The following WIPI1 variants were observed in gnomAD, a reference collection of about 807,000 sequenced individuals.
WIPI1 encodes WD repeat domain phosphoinositide-interacting protein 1.
WIPI1 carries 45 observed loss-of-function variants against 55.3 expected under a neutral mutation model. The observed-to-expected ratio is 0.81, with a 90% CI of 0.64 to 1.04. The LOEUF (loss-of-function observed/expected upper bound fraction) is 1.04. WIPI1 is among the 50% of genes least tolerant of loss of function. The pLI is 0.00. For synonymous variants in WIPI1, 195 were observed against 217.6 expected, an observed-to-expected ratio of 0.90 and a Z score of 0.92; for missense variants, 445 against 559.0, an observed-to-expected ratio of 0.80 and a Z score of 2.06.
Position 68,435,681 on chromosome 17 carries a change from C to T in WIPI1, c.560G>A (p.Gly187Glu), listed in dbSNP as rs751757591. 1.9e-5 allele frequency: 31 copies of T among 1,614,044 alleles called. No individual in the cohort carries two copies. In the South Asian group the frequency reaches 3.4e-4, roughly 18 times the overall value. ...KTVCTIAAHE[G>E]TLAAITFNAS... Reference sequence around the variant, plus strand: ...ATTGAAGGTGATGGCAGCTAGTGTTCCCTCATGGGCAGCAATAGTGCAGAC... The same window carrying T: ...ATTGAAGGTGATGGCAGCTAGTGTTTCCTCATGGGCAGCAATAGTGCAGAC... Residue 187 changes from glycine (G) to glutamate (E), a missense_variant, in exon 6 of 13, where the codon GGA becomes GAA. Coordinates refer to ENST00000262139, the MANE Select transcript of WIPI1 (RefSeq NM_017983.7).
chr17:68,445,977 C>T (rs536592819), intron 3 of WIPI1, among the ~76,000 whole-genome samples: 2 of 152,278 alleles, frequency 1.3e-5, no homozygotes, highest in Admixed American at 6.5e-5. Flanking sequence ...CACTGAGGCT[C>T]AAGAACCACT....
At position 68,441,725 on chromosome 17, in the gene WIPI1, C is replaced by T. The variant is rs538853570; in HGVS notation, c.430+2768G>A. ...CCTTTGCCCACCCAGGCCACAACCT[C>T]AGGTAACGCTCTCCGTGGCAACTCT... On this transcript the variant is annotated intron_variant, in intron 4 of 12. Transcript: ENST00000262139. Among the ~76,000 whole-genome samples, 30 of 152,316 alleles carry T rather than the reference C, an allele frequency of 2.0e-4. No individual in the cohort carries two copies. The South Asian group carries it at 4.1e-3, about 21-fold the overall frequency.
chr17:68,449,815 T>A (rs2084428335), intron 3 of WIPI1, among the ~76,000 whole-genome samples: 1 of 152,174 alleles, frequency 6.6e-6, no homozygotes, highest in East Asian at 1.9e-4. Flanking sequence ...TAGAGTAATG[T>A]GAGAATAGAC....
intron 12 of WIPI1, 160 bp from the exon 13 acceptor site, chr17:68,421,980 C>A: frequency 2.6e-6 from 2 of 783,338 alleles, no homozygotes; most frequent in East Asian, 2.5e-5. Flanking sequence ...AATGGTCACC[C>A]AGCTTATTTA....
intron 2 of WIPI1, among the ~76,000 whole-genome samples, chr17:68,452,032 C>CT (rs569362574): frequency 6.6e-6 from 1 of 152,132 alleles, no homozygotes. Context: ...TACTGAACCA[C>CT]TTTTTTTCCA....
intron 3 of WIPI1, among the ~76,000 whole-genome samples, chr17:68,450,218 A>G (rs1451056258): frequency 6.6e-6 from 1 of 152,216 alleles, no homozygotes; most frequent in Admixed American, 6.5e-5. Flanking sequence ...ATGAGAACCC[A>G]AGGCTGAATA....
chr17:68,448,459 G>A (rs2084372273), intron 3 of WIPI1: 1 of 152,156 alleles, frequency 6.6e-6, no homozygotes, highest in South Asian at 2.1e-4. Context: ...ATGAATTGCT[G>A]ACAGTTCCTG....
chr17:68,445,846 C>T (rs1295203256), intron 3 of WIPI1, among the ~76,000 whole-genome samples: 2 of 152,224 alleles, frequency 1.3e-5, no homozygotes, highest in African/African-American at 4.8e-5. Flanking sequence ...CTTGGCTCCC[C>T]TCAGGCCAGT....
chr17:68,436,318 T>A, intron 5 of WIPI1, 64 bp downstream of exon 5: 1 of 1,488,020 alleles, frequency 6.7e-7, no homozygotes, highest in Non-Finnish European at 9.4e-7. Flanking sequence ...TCCTTATCTA[T>A]CTCCTTCCAT....
intron 2 of WIPI1, among the ~76,000 whole-genome samples, chr17:68,451,319 A>T (rs1456066454): frequency 6.6e-6 from 1 of 152,210 alleles, no homozygotes; most frequent in Non-Finnish European, 1.5e-5. Flanking sequence ...CTGTAATCTC[A>T]GCTACTCGGG....
chr17:68,447,502 C>T (rs2084328905), intron 3 of WIPI1, among the ~76,000 whole-genome samples: 1 of 152,158 alleles, frequency 6.6e-6, no homozygotes, highest in South Asian at 2.1e-4. Flanking sequence ...CTGCCTCAGC[C>T]TCCCAAGTAG....
intron 5 of WIPI1, among the ~76,000 whole-genome samples, chr17:68,435,994 C>T (rs1447957594): frequency 6.6e-6 from 1 of 152,228 alleles, no homozygotes; most frequent in Non-Finnish European, 1.5e-5. Context: ...GCGCCCTGCA[C>T]GCATCTTTAG....
At chr17:68,426,254 G>GGGGGCCCCCC in intron 11 of WIPI1, 79 bp from the exon 12 acceptor site, 1 of 816,916 alleles carries the variant, frequency 1.2e-6, no homozygotes, top group Non-Finnish European at 1.9e-6. Flanking sequence ...GGGAGCGGGG[G>GGGGGCCCCCC]CTCAAATAAA....
chr17:68,441,781 T>C (rs1458107385), intron 4 of WIPI1, among the ~76,000 whole-genome samples: 6 of 152,234 alleles, frequency 3.9e-5, no homozygotes. Flanking sequence ...TCCATTTTAC[T>C]GCAGTAGAAA....
At chr17:68,447,442 C>T (rs560447208) in intron 3 of WIPI1, among the ~76,000 whole-genome samples, 5 of 152,268 alleles carry the variant, frequency 3.3e-5, no homozygotes, top group African/African-American at 4.8e-5. Flanking sequence ...AATGCAGCAG[C>T]GTGATCATAG....
chr17:68,441,403 AGACAATTAGAC>A (rs1479891317), intron 4 of WIPI1, among the ~76,000 whole-genome samples: 3 of 152,250 alleles, frequency 2.0e-5, no homozygotes, highest in African/African-American at 7.2e-5. Flanking sequence ...TGTGTGCTGA[AGACAATTAGAC>A]GAGTGATTGT....
Position 68,430,269 on chromosome 17 carries a change from A to G in WIPI1, c.801-109T>C, listed in dbSNP as rs1038888170. The G allele has an allele frequency of 7.1e-6, 8 of 1,129,778 alleles. No homozygotes were observed. In the African/African-American group the frequency reaches 1.1e-4, roughly 15 times the overall value. The allele number at this position is 1,129,778 out of a possible 1,614,324, so 70.0% of individuals were successfully genotyped here. On this transcript the variant is annotated intron_variant, in intron 8 of 12. Coordinates refer to ENST00000262139, the MANE Select transcript of WIPI1 (RefSeq NM_017983.7). ...GCCACACTCCCCGCAGCAGGGAGAG[A>G]CTGTGCCTTAGCATAATGTTCTGCC...
At chr17:68,432,613 G>A (rs1426422928) in intron 8 of WIPI1, among the ~76,000 whole-genome samples, 2 of 151,908 alleles carry the variant, frequency 1.3e-5, no homozygotes, top group African/African-American at 4.8e-5. Flanking sequence ...TAAGGTGCCC[G>A]GCCTCTGTTA....
intron 10 of WIPI1, among the ~76,000 whole-genome samples, chr17:68,427,916 G>T (rs1012917435): frequency 6.6e-6 from 1 of 152,096 alleles, no homozygotes; most frequent in Non-Finnish European, 1.5e-5. Context: ...TTGAGACAGG[G>T]TCTCACTCTG....
Sources: allele counts gnomAD v4.1 joint callset (sites outside exome capture counted in the v4.1 genomes callset), GRCh38; gene constraint gnomAD v4.1.1; transcripts MANE v1.5; gene names NCBI Gene and HGNC (gene_info 2026-07-23, HGNC 2026-07-21).